OR7C1: variants seen among roughly 807,000 people sequenced by gnomAD.
The protein encoded by OR7C1 is olfactory receptor 7C1.
For synonymous variants in OR7C1, 152 were observed against 160.7 expected (o/e 0.95, Z 0.41); for missense variants, 324 against 383.3 (o/e 0.85, Z 1.29).
intron 2 of OR7C1, among the ~76,000 whole-genome samples, chr19:14,809,304 G>T (rs1257449934): frequency 6.6e-6 from 1 of 151,960 alleles, no homozygotes; most frequent in Non-Finnish European, 1.5e-5. Context: ...AATACGAGGA[G>T]ATGGTAAAGT....
intron 1 of OR7C1, chr19:14,827,993 C>A: frequency 6.2e-7 from 1 of 1,614,142 alleles, no homozygotes; most frequent in South Asian, 1.1e-5. Flanking sequence ...TCTGGATGTT[C>A]ATCAGCATTT....
intron 1 of OR7C1, among the ~76,000 whole-genome samples, chr19:14,834,387 ACT>A (rs2044864368): frequency 1.3e-5 from 2 of 152,138 alleles, no homozygotes; most frequent in African/African-American, 4.8e-5. Flanking sequence ...GGGCTAGATC[ACT>A]CTCTTTGATA....
intron 1 of OR7C1, among the ~76,000 whole-genome samples, chr19:14,811,273 G>C (rs760887557): frequency 2.0e-5 from 3 of 151,764 alleles, no homozygotes; most frequent in Non-Finnish European, 4.4e-5. Flanking sequence ...GAAGGGCCAG[G>C]CTTCCTCCAG....
chr19:14,830,881 C>T (rs980149515), intron 1 of OR7C1, among the ~76,000 whole-genome samples: 13 of 152,162 alleles, frequency 8.5e-5, no homozygotes, highest in African/African-American at 2.9e-4. Flanking sequence ...CGTCTTATCA[C>T]CTGACCCTCA....
chr19:14,799,366 C>G, exon 5 of OR7C1: 1 of 1,614,056 alleles, frequency 6.2e-7, no homozygotes, highest in South Asian at 1.1e-5. Flanking sequence ...TGAGATAGAC[C>G]CCAAAGCCCG....
At chr19:14,830,535 C>T (rs1053383935) in intron 1 of OR7C1, among the ~76,000 whole-genome samples, 2 of 152,142 alleles carry the variant, frequency 1.3e-5, no homozygotes, top group African/African-American at 4.8e-5. Context: ...TTTCAGCTTC[C>T]ATTGTATCTC....
At chr19:14,808,113 AC>A (rs1355029337) in intron 2 of OR7C1, among the ~76,000 whole-genome samples, 9 of 149,154 alleles carry the variant, frequency 6.0e-5, no homozygotes, top group Admixed American at 1.3e-4. Flanking sequence ...AAAAAAAAAA[AC>A]AACAACAGAT....
In OR7C1 at chr19:14,819,042, C is replaced by G. The variant is rs191707283; in HGVS notation, c.-622-9049G>C. On this transcript the variant is annotated intron_variant, in intron 1 of 4. Coordinates refer to ENST00000641666, the Ensembl canonical transcript of OR7C1. ...CATTTAGCATTAGGTATATCTCCCC[C>G]CTCCCCCTGCCCCATAACAGTCCCC... 2.8e-3 allele frequency among the ~76,000 whole-genome samples: 427 copies of G among 152,106 alleles called. 3 individuals carry two copies. Among genetic ancestry groups the G allele is most frequent in the Non-Finnish European group, 5.1e-3 (345 of 67,988 alleles).
chr19:14,802,926 C>T (rs1299880499), intron 2 of OR7C1, among the ~76,000 whole-genome samples: 1 of 152,088 alleles, frequency 6.6e-6, no homozygotes, highest in Non-Finnish European at 1.5e-5. Flanking sequence ...GGAGAACGTG[C>T]CTGAGTGGGA....
At chr19:14,814,486 C>T (rs549560837) in intron 1 of OR7C1, among the ~76,000 whole-genome samples, 4 of 151,974 alleles carry the variant, frequency 2.6e-5, no homozygotes, top group Admixed American at 6.6e-5. Flanking sequence ...TGCAATGGTG[C>T]GATCTCGGCT....
intron 1 of OR7C1, among the ~76,000 whole-genome samples, chr19:14,833,305 G>A (rs141352647): frequency 5.9e-4 from 90 of 152,224 alleles, no homozygotes; most frequent in African/African-American, 1.1e-3. Context: ...ATGGCGAAAC[G>A]CCATCTCTAC....
intron 1 of OR7C1, among the ~76,000 whole-genome samples, chr19:14,828,501 C>T (rs760202781): frequency 2.0e-5 from 3 of 152,086 alleles, no homozygotes; most frequent in Non-Finnish European, 2.9e-5. Context: ...TGGCTTATGC[C>T]TGTAACCCCA....
intron 1 of OR7C1, among the ~76,000 whole-genome samples, chr19:14,832,307 A>G (rs1395076729): frequency 1.3e-5 from 2 of 152,046 alleles, no homozygotes; most frequent in Admixed American, 6.6e-5. Flanking sequence ...CTGTATTTTC[A>G]CCATTATAGC....
intron 1 of OR7C1, chr19:14,828,416 T>G: frequency 1.4e-6 from 1 of 705,560 alleles, no homozygotes; most frequent in Non-Finnish European, 2.3e-6. Flanking sequence ...GATTAGGAAC[T>G]CCTTCCCACT....
chr19:14,830,297 T>C (rs16979945), intron 1 of OR7C1, among the ~76,000 whole-genome samples: 14,796 of 152,188 alleles, frequency 0.097, 1,444 homozygotes, highest in African/African-American at 0.25. Context: ...CAGCCCTGTG[T>C]TTAAAGAAAC....
intron 1 of OR7C1, among the ~76,000 whole-genome samples, chr19:14,818,032 C>T (rs1441357439): frequency 6.6e-6 from 1 of 151,454 alleles, no homozygotes; most frequent in Non-Finnish European, 1.5e-5. Context: ...TACCTTGCCA[C>T]AGCAGTTAAT....
chr19:14,819,042 C>T (rs191707283), intron 1 of OR7C1, among the ~76,000 whole-genome samples: 4 of 151,988 alleles, frequency 2.6e-5, no homozygotes, highest in Non-Finnish European at 5.9e-5. Context: ...ATATCTCCCC[C>T]CTCCCCCTGC....
chr19:14,830,844 G>A (rs182080789), intron 1 of OR7C1, among the ~76,000 whole-genome samples: 1 of 152,276 alleles, frequency 6.6e-6, no homozygotes, highest in Admixed American at 6.5e-5. Context: ...ACCCTCGTGT[G>A]CCAATGACTC....
chr19:14,831,989 G>C (rs1034189570), intron 1 of OR7C1, among the ~76,000 whole-genome samples: 1 of 152,056 alleles, frequency 6.6e-6, no homozygotes, highest in East Asian at 1.9e-4. Context: ...GCTCACTGCA[G>C]CCTCAAATTT....
Sources: gnomAD v4.1 joint callset for allele counts (sites outside exome capture counted in the v4.1 genomes callset) on GRCh38, gnomAD v4.1.1 for gene constraint, MANE v1.5 for transcripts, NCBI Gene and HGNC (gene_info 2026-07-23, HGNC 2026-07-21) for gene names.